CBFA2T3: variants seen among roughly 807,000 people sequenced by gnomAD.
The protein encoded by CBFA2T3 is transcriptional corepressor CBFA2T3.
In CBFA2T3, 31 loss-of-function variants were observed where a neutral mutation model predicts 58.6. The ratio of observed to expected loss-of-function variants is 0.53; its 90% CI spans 0.40 to 0.71. The LOEUF (loss-of-function observed/expected upper bound fraction) is 0.71, where lower values mean the gene tolerates loss of function less well. Among genes scored for constraint, CBFA2T3 ranks in the 30% least tolerant of loss-of-function variants. The pLI is 0.00. For missense variants in CBFA2T3, 1,076 were observed against 963.1 expected (o/e 1.12, Z -1.55); for synonymous variants, 531 against 421.9 (o/e 1.26, Z -3.17).
chr16:88,889,549 C>T (rs1969539199), intron 5 of CBFA2T3, among the ~76,000 whole-genome samples: 1 of 151,932 alleles, frequency 6.6e-6, no homozygotes, highest in Non-Finnish European at 1.5e-5. Context: ...TAGGTTTGAG[C>T]CCTGGCGCCC....
At chr16:88,947,398 C>T (rs1971930687) in intron 1 of CBFA2T3, among the ~76,000 whole-genome samples, 1 of 152,236 alleles carries the variant, frequency 6.6e-6, no homozygotes, top group South Asian at 2.1e-4. Context: ...CTTAATGCCT[C>T]CTTCCATTCT....
At chr16:88,888,558 A>AG (rs1969486572) in intron 5 of CBFA2T3, among the ~76,000 whole-genome samples, 1 of 546 alleles carries the variant, frequency 1.8e-3, no homozygotes, top group Admixed American at 0.019. Context: ...GGGGTGGGGT[A>AG]GGGGTGGGGT....
intron 1 of CBFA2T3, among the ~76,000 whole-genome samples, chr16:88,975,333 C>G (rs1040816474): frequency 6.6e-6 from 1 of 152,020 alleles, no homozygotes; most frequent in Non-Finnish European, 1.5e-5. Context: ...CCTCCTTCCA[C>G]GGTAGACACC....
In CBFA2T3 at chr16:88,901,486, C is replaced by A; in HGVS notation, c.304+18G>T. On this transcript the variant is annotated intron_variant, in intron 2 of 11. Coordinates refer to ENST00000268679, the MANE Select transcript of CBFA2T3 (RefSeq NM_005187.6). Reference sequence around the variant, plus strand: ...CCTGAAACACCTGGCCCTCGGCTGCCAGGTGGGGGCTACTTACGTGTGTGT... The same window carrying A: ...CCTGAAACACCTGGCCCTCGGCTGCAAGGTGGGGGCTACTTACGTGTGTGT... The A allele has an allele frequency of 7.1e-7, 1 of 1,413,496 alleles. No homozygotes were observed. The highest frequency in any genetic ancestry group is 1.5e-5 in the South Asian group (1 of 68,538). The allele number at this position is 1,413,496 out of a possible 1,614,324, so 87.6% of individuals were successfully genotyped here.
chr16:88,916,228 GTGTGTGTATTCA>G (rs1442137756), intron 1 of CBFA2T3, among the ~76,000 whole-genome samples: 11 of 149,152 alleles, frequency 7.4e-5, no homozygotes, highest in East Asian at 3.9e-4. Flanking sequence ...ATACATGTGG[GTGTGTGTATTCA>G]TGTGTGTATT....
intron 9 of CBFA2T3, 90 bp from the exon 10 acceptor site, chr16:88,880,878 C>T: frequency 8.1e-6 from 10 of 1,234,144 alleles, no homozygotes; most frequent in Non-Finnish European, 1.0e-5. Context: ...GCCCTGAGTG[C>T]AGGGCGTGAG....
intron 1 of CBFA2T3, among the ~76,000 whole-genome samples, chr16:88,905,735 C>T (rs1473769287): frequency 6.2e-5 from 1 of 16,074 alleles, no homozygotes; most frequent in South Asian, 2.3e-3. Flanking sequence ...GAAGGAGGGG[C>T]GGGACTGGAG....
Position 88,901,652 on chromosome 16 carries a change from T to G in CBFA2T3, c.156A>C (p.Pro52=). The G allele has an allele frequency of 6.5e-7, 1 of 1,528,122 alleles. No individual in the cohort carries two copies. The highest frequency in any genetic ancestry group is 8.7e-7 in the Non-Finnish European group (1 of 1,149,602). The allele number at this position is 1,528,122 out of a possible 1,614,324, so 94.7% of individuals were successfully genotyped here. A position where few individuals can be genotyped will look rare whatever the true frequency, so the allele number is the denominator to read the frequency against. ...PRGPRKGGPA[P]VDRKAKASAM... ...CTGAGGCCTTAGCTTTCCTGTCCAC[T>G]GGGGCTGCGACCAACGGAGAAAGAA... The change falls in exon 2 of 12, where the codon CCA becomes CCC. Residue 52 remains proline (P), a synonymous_variant. Transcript: ENST00000268679.
At chr16:88,935,156 C>A (rs1309540289) in intron 1 of CBFA2T3, among the ~76,000 whole-genome samples, 1 of 152,234 alleles carries the variant, frequency 6.6e-6, no homozygotes, top group Non-Finnish European at 1.5e-5. Flanking sequence ...CACTTGGGCA[C>A]AGCCACGGCC....
chr16:88,893,820 C>T (rs1389552065), intron 3 of CBFA2T3, among the ~76,000 whole-genome samples: 1 of 152,312 alleles, frequency 6.6e-6, no homozygotes, highest in East Asian at 1.9e-4. Context: ...TCTTGCAAGG[C>T]GGCCAGCGCA....
intron 8 of CBFA2T3, 142 bp from the exon 9 acceptor site, chr16:88,881,631 G>C: frequency 1.3e-6 from 1 of 796,832 alleles, no homozygotes; most frequent in Non-Finnish European, 1.9e-6. Context: ...GTGAGGGAGG[G>C]CCCACCTCCA....
intron 7 of CBFA2T3, 48 bp downstream of exon 7, chr16:88,884,998 G>T: frequency 7.0e-7 from 1 of 1,419,222 alleles, no homozygotes; most frequent in Non-Finnish European, 9.6e-7. Context: ...GGGCGCATGT[G>T]TGCTCCTGTA....
chr16:88,876,621 GAGAC>G lies in CBFA2T3; in HGVS notation c.*351_*354del, dbSNP rs747961368. 4.8e-4 allele frequency: 145 copies of G among 299,136 alleles called. No homozygotes were observed. Among genetic ancestry groups the G allele is most frequent in the Admixed American group, 7.2e-4 (14 of 19,372 alleles). 18.5% of individuals were successfully genotyped at this position (299,136 alleles called of 1,614,324 possible). The stretch of plus-strand genomic sequence containing the variant: ...AGAGGATAGAGAAGACAGAGGGGGA[GAGAC>G]AGACAGAGAGGAAAAGAGAGGTGGG... On this transcript the variant is annotated 3_prime_UTR_variant, in exon 12 of 12. Transcript: ENST00000268679.
chr16:88,914,422 G>T (rs568056719), intron 1 of CBFA2T3, among the ~76,000 whole-genome samples: 1 of 152,222 alleles, frequency 6.6e-6, no homozygotes, highest in Admixed American at 6.5e-5. Flanking sequence ...ATGATGTCAC[G>T]GGACGCTCTC....
chr16:88,901,693 G>C, intron 1 of CBFA2T3, 37 bp from the exon 2 acceptor site: 5 of 1,510,736 alleles, frequency 3.3e-6, no homozygotes, highest in Non-Finnish European at 4.4e-6. Flanking sequence ...CGGTGAAGCA[G>C]GCTAAGTGCA....
At chr16:88,957,406 A>G (rs1290098918) in intron 1 of CBFA2T3, among the ~76,000 whole-genome samples, 1 of 152,242 alleles carries the variant, frequency 6.6e-6, no homozygotes, top group Admixed American at 6.5e-5. Flanking sequence ...ACTCGGGATA[A>G]CAGTGCTACT....
intron 1 of CBFA2T3, among the ~76,000 whole-genome samples, chr16:88,948,482 T>C (rs1254986897): frequency 6.6e-6 from 1 of 152,198 alleles, no homozygotes; most frequent in Non-Finnish European, 1.5e-5. Context: ...GGGCACCAGA[T>C]GACGCGGCTT....
intron 2 of CBFA2T3, among the ~76,000 whole-genome samples, chr16:88,899,091 C>T (rs1368033546): frequency 7.6e-6 from 1 of 131,500 alleles, no homozygotes; most frequent in Admixed American, 8.2e-5. Context: ...ACAGCAGCAC[C>T]GCAGCTTCAA....
chr16:88,913,045 G>A (rs972216275), intron 1 of CBFA2T3, among the ~76,000 whole-genome samples: 5 of 152,220 alleles, frequency 3.3e-5, no homozygotes, highest in African/African-American at 9.6e-5. Context: ...CTGCCCTTTC[G>A]ATGGGATTGC....
Sources: gnomAD v4.1 joint callset for allele counts (sites outside exome capture counted in the v4.1 genomes callset) on GRCh38, gnomAD v4.1.1 for gene constraint, MANE v1.5 for transcripts, NCBI Gene and HGNC (gene_info 2026-07-23, HGNC 2026-07-21) for gene names.